Variants in TTC34 observed in about 807,000 individuals in gnomAD.
TTC34 encodes tetratricopeptide repeat protein 34.
Under a neutral mutation model 40.7 loss-of-function variants are expected in TTC34, and 44 were observed. That is an observed-to-expected ratio of 1.08 (90% CI 0.85 to 1.39). The LOEUF (loss-of-function observed/expected upper bound fraction) is 1.39. Ranked by LOEUF, TTC34 falls within the 40% of genes most tolerant of loss-of-function variation. TTC34 has a pLI of 0.00. For missense variants in TTC34, 884 were observed against 838.0 expected (o/e 1.05, Z -0.68); for synonymous variants, 422 against 398.6 (o/e 1.06, Z -0.70).
rs1405228885 is a variant in TTC34 at position 2,687,753 on chromosome 1, A to G, written c.2227-42190T>C. On this transcript the variant is annotated intron_variant, in intron 6 of 8. Coordinates refer to ENST00000401095, the Ensembl canonical transcript of TTC34. ...CCCAGGTGAACATCCGACAGCCTGG[A>G]GCAGAACCCACACCCTGAGGCGAGC... Among the ~76,000 whole-genome samples the G allele has an allele frequency of 4.0e-5, 6 of 150,018 alleles. No homozygotes were observed. In the East Asian group the frequency reaches 9.9e-4, roughly 25 times the overall value.
chr1:2,685,925 G>C (rs542177163), intron 6 of TTC34, among the ~76,000 whole-genome samples: 62 of 146,540 alleles, frequency 4.2e-4, no homozygotes, highest in Non-Finnish European at 7.8e-4. Context: ...CACACCCCCA[G>C]GTGAGCATGT....
At chr1:2,750,241 C>A (rs1641270544) in intron 6 of TTC34, among the ~76,000 whole-genome samples, 1 of 151,982 alleles carries the variant, frequency 6.6e-6, no homozygotes. Flanking sequence ...GCAGCACCCA[C>A]ACCCACAGGT....
intron 6 of TTC34, among the ~76,000 whole-genome samples, chr1:2,646,245 A>G (rs1022354065): frequency 1.3e-5 from 2 of 152,152 alleles, no homozygotes; most frequent in African/African-American, 4.8e-5. Flanking sequence ...ACCACAGTCT[A>G]TGTACAGTTA....
rs532583985 is a variant in TTC34, at chr1:2,699,978, G to C, written c.2227-54415C>G. Among the ~76,000 whole-genome samples the C allele has an allele frequency of 6.0e-3, 624 of 104,180 alleles. 65 individuals carry two copies. The highest frequency in any genetic ancestry group is 8.5e-3 in the Non-Finnish European group (378 of 44,534). The allele number at this position is 104,180 out of a possible 152,430, so 68.3% of individuals were successfully genotyped here. Reference sequence around the variant, plus strand: ...GCCTGGAGAAATGCTCACACCCCAAGGTGAGCATCTGACAGCCTGGAGCAG... The same window carrying C: ...GCCTGGAGAAATGCTCACACCCCAACGTGAGCATCTGACAGCCTGGAGCAG... On this transcript the variant is annotated intron_variant, in intron 6 of 8. Transcript: ENST00000401095.
chr1:2,752,281 C>G (rs1641345909), intron 6 of TTC34, among the ~76,000 whole-genome samples: 1 of 103,266 alleles, frequency 9.7e-6, no homozygotes, highest in Non-Finnish European at 1.9e-5. Flanking sequence ...CCTGGAACAG[C>G]ACCTTGCACC....
intron 6 of TTC34, among the ~76,000 whole-genome samples, chr1:2,780,005 T>G (rs1312876231): frequency 6.6e-6 from 1 of 152,166 alleles, no homozygotes; most frequent in African/African-American, 2.4e-5. Flanking sequence ...TCCCAGCTAC[T>G]CGGGAGGCTG....
chr1:2,688,521 G>A (rs1372111684), intron 6 of TTC34, among the ~76,000 whole-genome samples: 1 of 140,320 alleles, frequency 7.1e-6, no homozygotes, highest in Non-Finnish European at 1.5e-5. Flanking sequence ...GCCTGTAACA[G>A]TACCCACACC....
At chr1:2,758,324 A>T (rs1641573989) in intron 6 of TTC34, among the ~76,000 whole-genome samples, 1 of 83,748 alleles carries the variant, frequency 1.2e-5, no homozygotes, top group Non-Finnish European at 2.2e-5. Context: ...CGCCCAGATG[A>T]GCATCTGACA....
In TTC34 at chr1:2,648,294, CTG is replaced by C. The variant is rs544277186; in HGVS notation, c.2227-2733_2227-2732del. ...GTCCTGCAAGGGGGCTGATTTCACTCTGGGGGGCAGGTAGATTACTGGTGGAT... is the reference window on the plus strand; with the variant it reads ...GTCCTGCAAGGGGGCTGATTTCACTCGGGGGCAGGTAGATTACTGGTGGAT... On this transcript the variant is annotated intron_variant, in intron 6 of 8. Coordinates refer to ENST00000401095, the Ensembl canonical transcript of TTC34. Among the ~76,000 whole-genome samples, 34 of 152,286 alleles carry C rather than the reference CTG, an allele frequency of 2.2e-4. No individual in the cohort carries two copies. The East Asian group carries it at 6.2e-3, about 28-fold the overall frequency.
At chr1:2,775,186 C>A (rs374175014) in intron 6 of TTC34, 1 of 148,286 alleles carries the variant, frequency 6.7e-6, no homozygotes. Context: ...CAGCACCCTG[C>A]AACCCCAGGT....
chr1:2,657,343 C>A (rs962808974), intron 6 of TTC34, among the ~76,000 whole-genome samples: 8 of 105,052 alleles, frequency 7.6e-5, no homozygotes, highest in African/African-American at 2.4e-4. Context: ...ACCCATAGCC[C>A]AAGGTGAGCA....
chr1:2,782,773 C>T (rs1032890399), intron 6 of TTC34, among the ~76,000 whole-genome samples: 6 of 152,146 alleles, frequency 3.9e-5, no homozygotes, highest in African/African-American at 1.4e-4. Context: ...CCTCCTTTTA[C>T]AGAGGAGGAA....
intron 6 of TTC34, among the ~76,000 whole-genome samples, chr1:2,759,568 A>C (rs1641623240): frequency 6.6e-6 from 1 of 151,678 alleles, no homozygotes; most frequent in Non-Finnish European, 1.5e-5. Flanking sequence ...CTCCCAGACG[A>C]GCATCGGACA....
At chr1:2,785,020 T>C (rs372964573) in intron 5 of TTC34, among the ~76,000 whole-genome samples, 2,097 of 70,562 alleles carry the variant, frequency 0.03, 23 homozygotes, top group Admixed American at 0.048. Flanking sequence ...CGCTCTGGGC[T>C]GCATGCCTTC....
chr1:2,685,742 T>G (rs1443114852), intron 6 of TTC34, among the ~76,000 whole-genome samples: 3,809 of 89,530 alleles, frequency 0.043, no homozygotes, highest in African/African-American at 0.057. Context: ...TCTGATGGTC[T>G]GGAGCAGAAC....
Position 2,656,143 on chromosome 1 carries a change from G to A in TTC34, c.2227-10580C>T, listed in dbSNP as rs1432403047. ...TGGAACAGAACCCACAGCCCCAGGTGAGCATCTGACAGACTGGAACAGCAC... is the reference window on the plus strand; with the variant it reads ...TGGAACAGAACCCACAGCCCCAGGTAAGCATCTGACAGACTGGAACAGCAC... On this transcript the variant is annotated intron_variant, in intron 6 of 8. Transcript: ENST00000401095. Among the ~76,000 whole-genome samples, 451 of 146,768 alleles carry A rather than the reference G, an allele frequency of 3.1e-3. 3 individuals are homozygous for A. The highest frequency in any genetic ancestry group is 0.011 in the African/African-American group (419 of 39,642).
intron 6 of TTC34, among the ~76,000 whole-genome samples, chr1:2,688,751 C>G (rs1212928692): frequency 2.2e-5 from 1 of 44,924 alleles, no homozygotes; most frequent in Non-Finnish European, 4.1e-5. Flanking sequence ...AGGATCTGAC[C>G]GCCTGGAACA....
intron 2 of TTC34, among the ~76,000 whole-genome samples, chr1:2,798,349 G>T (rs1643733233): frequency 1.2e-5 from 1 of 84,438 alleles, no homozygotes; most frequent in Non-Finnish European, 2.3e-5. Context: ...TAGCCCCTTA[G>T]CTCCCCAGCC....
intron 6 of TTC34, among the ~76,000 whole-genome samples, chr1:2,749,076 C>T (rs1569684831): frequency 6.8e-6 from 1 of 147,420 alleles, no homozygotes; most frequent in Non-Finnish European, 1.5e-5. Flanking sequence ...GGAGCAGCAC[C>T]CACAACCCCA....
Sources: allele counts gnomAD v4.1 joint callset (sites outside exome capture counted in the v4.1 genomes callset), GRCh38; gene constraint gnomAD v4.1.1; transcripts MANE v1.5; gene names NCBI Gene and HGNC (gene_info 2026-07-23, HGNC 2026-07-21).